Variants in NPTX1 observed in about 807,000 individuals in gnomAD.
NPTX1 encodes the protein neuronal pentraxin-1.
A neutral mutation model predicts 38.7 loss-of-function variants in NPTX1; 12 were observed. That is an observed-to-expected ratio of 0.31 (90% CI 0.20 to 0.50). NPTX1 has a LOEUF of 0.50. Among genes scored for constraint, NPTX1 ranks in the 20% least tolerant of loss-of-function variants. The probability of loss-of-function intolerance (pLI) is 0.98; values close to 1 mark genes in which losing one functional copy is unlikely to be tolerated. For missense variants in NPTX1, 454 were observed against 592.2 expected (o/e 0.77, Z 2.42); for synonymous variants, 272 against 264.9 (o/e 1.03, Z -0.26).
Position 80,475,212 on chromosome 17 carries a change from A to T in NPTX1, c.652+299T>A, listed in dbSNP as rs1277494518. Among the ~76,000 whole-genome samples the T allele has an allele frequency of 7.9e-5, 12 of 152,316 alleles. No individual in the cohort carries two copies. The South Asian group carries it at 2.3e-3, about 29-fold the overall frequency. On this transcript the variant is annotated intron_variant, in intron 2 of 4. Coordinates refer to ENST00000306773, the MANE Select transcript of NPTX1 (RefSeq NM_002522.4). This position sits in a 1 kb window ranked among gnomAD's most constrained non-coding sequence, Gnocchi z 6.5. ...GTGCAAAGTTACTGAGGATTAAACA[A>T]ATCAGACTTGAAAAATCCAGCGAGT...
intron 3 of NPTX1, among the ~76,000 whole-genome samples, chr17:80,472,483 G>A (rs2083847879): frequency 6.6e-6 from 1 of 152,166 alleles, no homozygotes; most frequent in African/African-American, 2.4e-5. Flanking sequence ...GGAGGATGAC[G>A]GTCCAGCAGA....
rs780007915 is a variant in NPTX1 at position 80,473,186 on chromosome 17, G to A, written c.897+14C>T. ...CCTCGCCCTGCCGCCCTGTGAGCCC[G>A]GGGGCTGCTCTACCTTGTCATTGAT... On this transcript the variant is annotated intron_variant, in intron 3 of 4. Coordinates refer to ENST00000306773, the MANE Select transcript of NPTX1 (RefSeq NM_002522.4). 1.2e-5 allele frequency: 20 copies of A among 1,608,662 alleles called. No homozygotes were observed. The highest frequency in any genetic ancestry group is 7.7e-5 in the South Asian group (7 of 90,938).
chr17:80,472,876 C>T (rs2083849845), intron 3 of NPTX1, among the ~76,000 whole-genome samples: 1 of 152,210 alleles, frequency 6.6e-6, no homozygotes, highest in Admixed American at 6.5e-5. Context: ...GGGGCAAAGC[C>T]AGTTCCAAGG....
In NPTX1 at chr17:80,473,302, T is replaced by G. The variant is rs1351276783; in HGVS notation, c.795A>C (p.Pro265=). ...CGTAGGAGAAGGGCGTGCCCACACC[T>G]GGCGTGGCGCTGGACTTGAGCCACA... ...VCMWLKSSAT[P]GVGTPFSYAV... The change falls in exon 3 of 5, where the codon CCA becomes CCC. Residue 265 remains proline (P), a synonymous_variant. Coordinates refer to ENST00000306773, the MANE Select transcript of NPTX1 (RefSeq NM_002522.4). 5.6e-6 allele frequency: 9 copies of G among 1,613,894 alleles called. No homozygotes were observed. The highest frequency in any genetic ancestry group is 7.6e-6 in the Non-Finnish European group (9 of 1,180,026).
rs1191940018 is a variant in NPTX1, at chr17:80,476,322, C to T, written c.125G>A (p.Cys42Tyr). Residue 42 changes from cysteine (C) to tyrosine (Y), a missense_variant, in exon 1 of 5, where the codon TGC becomes TAC. Cys to Tyr is a radical substitution (Grantham distance 194, BLOSUM62 -2). Coordinates refer to ENST00000306773, the MANE Select transcript of NPTX1 (RefSeq NM_002522.4). This position sits in a 1 kb window ranked among gnomAD's most constrained non-coding sequence, Gnocchi z 6.3. ...CTSVPVDADM[C>Y]AASVAAGGAE... ...GCCGCCGGCGGCCACGGACGCGGCG[C>T]ACATGTCGGCGTCCACGGGCACCGA... 1.3e-6 allele frequency: 2 copies of T among 1,546,452 alleles called. No individual in the cohort carries two copies. The highest frequency in any genetic ancestry group is 2.4e-5 in the South Asian group (2 of 84,894).
At position 80,475,454 on chromosome 17, in the gene NPTX1, G is replaced by GGCGGGATCGGGACCGAT; in HGVS notation, c.652+56_652+57insATCGGTCCCGATCCCGC. 6.9e-7 allele frequency: 1 copy of GGCGGGATCGGGACCGAT among 1,456,384 alleles called. No homozygotes were observed. The highest frequency in any genetic ancestry group is 9.4e-7 in the Non-Finnish European group (1 of 1,059,498). The allele number at this position is 1,456,384 out of a possible 1,614,324, so 90.2% of individuals were successfully genotyped here. On this transcript the variant is annotated intron_variant, in intron 2 of 4. Coordinates refer to ENST00000306773, the MANE Select transcript of NPTX1 (RefSeq NM_002522.4). This position sits in a 1 kb window ranked among gnomAD's most constrained non-coding sequence, Gnocchi z 6.5. ...CTGGGCTGTTAGGGATCGGGACCGAGGCAGGGTCGGGCAAGCAGGTGCAGG... is the reference window on the plus strand; with the variant it reads ...CTGGGCTGTTAGGGATCGGGACCGAGGCGGGATCGGGACCGATGCAGGGTCGGGCAAGCAGGTGCAGG...
Position 80,470,990 on chromosome 17 carries a change from A to G in NPTX1, c.1122T>C (p.Gly374=), listed in dbSNP as rs2083838909. The G allele has an allele frequency of 6.2e-7, 1 of 1,612,418 alleles. No homozygotes were observed. Among genetic ancestry groups the G allele is most frequent in the Admixed American group, 1.7e-5 (1 of 59,916 alleles). ...GGFDATQAFV[G]ELAHFNIWDR... is the part of the protein sequence containing the mutation. ...CCCAGATGTTGAAGTGGGCCAGCTC[A>G]CCCACAAATGCCTGGGTGGCATCAA... Residue 374 remains glycine, a synonymous_variant, in exon 5 of 5, where the codon GGT becomes GGC. Coordinates refer to ENST00000306773, the MANE Select transcript of NPTX1 (RefSeq NM_002522.4).
rs1361732115 is a variant in NPTX1, at chr17:80,468,981, GATCTGC to G, written c.*1826_*1831del. The stretch of plus-strand genomic sequence containing the variant: ...AACAACAACGCGCAGCACGGCGCCT[GATCTGC>G]ACCCCCCTCTGCGGGAGTGATGCAT... On this transcript the variant is annotated 3_prime_UTR_variant, in exon 5 of 5. Coordinates refer to ENST00000306773, the MANE Select transcript of NPTX1 (RefSeq NM_002522.4). 2 of 152,272 alleles carry G rather than the reference GATCTGC, an allele frequency of 1.3e-5. No individual in the cohort carries two copies. Among genetic ancestry groups the G allele is most frequent in the African/African-American group, 4.8e-5 (2 of 41,464 alleles). 9.4% of individuals were successfully genotyped at this position (152,272 alleles called of 1,614,324 possible).
Position 80,475,980 on chromosome 17 carries a change from C to G in NPTX1, c.444+23G>C. 1 of 1,590,688 alleles carries G rather than the reference C, an allele frequency of 6.3e-7. No homozygotes were observed. Among genetic ancestry groups the G allele is most frequent in the South Asian group, 1.1e-5 (1 of 90,274 alleles). ...GGGGCGAGCGAGCCGGAGGGGGAAC[C>G]GGAGCCGAGGGCGCGCGCGGACCTC... On this transcript the variant is annotated intron_variant, in intron 1 of 4. Coordinates refer to ENST00000306773, the MANE Select transcript of NPTX1 (RefSeq NM_002522.4). This position sits in a 1 kb window ranked among gnomAD's most constrained non-coding sequence, Gnocchi z 6.5.
rs1028409844 is a variant in NPTX1 at position 80,476,564 on chromosome 17, C to T, written c.-118G>A. On this transcript the variant is annotated 5_prime_UTR_variant, in exon 1 of 5. Transcript: ENST00000306773. The surrounding 1 kb of genome is among the most constrained non-coding windows in gnomAD (Gnocchi z 6.3). ...CCCGCGCTCTGGGCGCCGCGCTCTT[C>T]GGCCGCGCGGTCCACACCGCCGCGC... is the stretch of plus-strand genomic sequence containing the variant. The T allele has an allele frequency of 3.4e-5, 14 of 412,484 alleles. No homozygotes were observed. Among genetic ancestry groups the T allele is most frequent in the Non-Finnish European group, 4.3e-5 (13 of 304,786 alleles). 25.6% of individuals were successfully genotyped at this position (412,484 alleles called of 1,614,324 possible).
At chr17:80,472,083 C>T (rs1352112170) in intron 3 of NPTX1, among the ~76,000 whole-genome samples, 172 bp from the exon 4 acceptor site, 2 of 152,250 alleles carry the variant, frequency 1.3e-5, no homozygotes, top group Non-Finnish European at 2.9e-5. Context: ...TCAGCCCCGC[C>T]TGGGCGTGGG....
intron 3 of NPTX1, among the ~76,000 whole-genome samples, chr17:80,472,937 T>C (rs940852211): frequency 6.6e-6 from 1 of 152,176 alleles, no homozygotes; most frequent in African/African-American, 2.4e-5. Flanking sequence ...CCAGGCCCCA[T>C]GGCTCGTTCT....
Position 80,470,645 on chromosome 17 carries a change from G to C in NPTX1, c.*168C>G. The C allele has an allele frequency of 1.8e-6, 1 of 570,640 alleles. No individual in the cohort carries two copies. The allele number at this position is 570,640 out of a possible 1,614,324, so 35.3% of individuals were successfully genotyped here. On this transcript the variant is annotated 3_prime_UTR_variant, in exon 5 of 5. Transcript: ENST00000306773. ...TTCCTCAGGGACAGATGGGAGCAGGGGCTGCTTCGTGTGCATGAGGACAAA... is the reference window on the plus strand; with the variant it reads ...TTCCTCAGGGACAGATGGGAGCAGGCGCTGCTTCGTGTGCATGAGGACAAA...
chr17:80,475,171 G>A lies in NPTX1; in HGVS notation c.652+340C>T, dbSNP rs1242121529. ...GCTTTCTTAAGCAGGGAGGGTTTGA[G>A]CCAGCGACAGCCACTGTGCAAAGTT... On this transcript the variant is annotated intron_variant, in intron 2 of 4. Coordinates refer to ENST00000306773, the MANE Select transcript of NPTX1 (RefSeq NM_002522.4). The surrounding 1 kb of genome is among the most constrained non-coding windows in gnomAD (Gnocchi z 6.5). Among the ~76,000 whole-genome samples the A allele has an allele frequency of 6.6e-6, 1 of 152,182 alleles. No individual in the cohort carries two copies. The highest frequency in any genetic ancestry group is 1.5e-5 in the Non-Finnish European group (1 of 68,036).
chr17:80,475,612 A>G lies in NPTX1; in HGVS notation c.551T>C (p.Leu184Pro), dbSNP rs202053640. The G allele has an allele frequency of 1.1e-5, 18 of 1,612,138 alleles. No homozygotes were observed. In the Admixed American group the frequency reaches 2.8e-4, roughly 25 times the overall value. The change falls in exon 2 of 5, where the codon CTG becomes CCG. Residue 184 changes from leucine (L) to proline (P), a missense_variant. By Grantham distance (98) the Leu-to-Pro change is moderately conservative (BLOSUM62 -3). Coordinates refer to ENST00000306773, the MANE Select transcript of NPTX1 (RefSeq NM_002522.4). The surrounding 1 kb of genome is among the most constrained non-coding windows in gnomAD (Gnocchi z 6.5). ...ERQVLSRVNTLEEGKGGPRND... is the reference protein window; with the variant it reads ...ERQVLSRVNTPEEGKGGPRND... ...CCTGGGGCCCCCCTTGCCCTCCTCC[A>G]GGGTGTTCACCCGGGACAGCACCTG...
In NPTX1 at chr17:80,475,992, C is replaced by A; in HGVS notation, c.444+11G>T. 4 of 1,599,164 alleles carry A rather than the reference C, an allele frequency of 2.5e-6. No individual in the cohort carries two copies. The highest frequency in any genetic ancestry group is 3.4e-6 in the Non-Finnish European group (4 of 1,172,872). On this transcript the variant is annotated intron_variant, in intron 1 of 4. Coordinates refer to ENST00000306773, the MANE Select transcript of NPTX1 (RefSeq NM_002522.4). This position sits in a 1 kb window ranked among gnomAD's most constrained non-coding sequence, Gnocchi z 6.5. Reference sequence around the variant, plus strand: ...CCGGAGGGGGAACCGGAGCCGAGGGCGCGCGCGGACCTCGAGGTTCTCCAG... The same window carrying A: ...CCGGAGGGGGAACCGGAGCCGAGGGAGCGCGCGGACCTCGAGGTTCTCCAG...
chr17:80,472,238 C>T (rs1433864189), intron 3 of NPTX1, among the ~76,000 whole-genome samples: 1 of 152,212 alleles, frequency 6.6e-6, no homozygotes, highest in Non-Finnish European at 1.5e-5. Flanking sequence ...GGAGAGCCGT[C>T]CCTGGTGTCT....
Position 80,470,484 on chromosome 17 carries a change from C to T in NPTX1, c.*329G>A, listed in dbSNP as rs562547604. ...CCTCCCCCAGCCACGCACGCACACA[C>T]GTAGACACACACATGTAGACACGCA... On this transcript the variant is annotated 3_prime_UTR_variant, in exon 5 of 5. Transcript: ENST00000306773. 1.7e-4 allele frequency: 34 copies of T among 205,390 alleles called. 1 individual carries two copies. Among genetic ancestry groups the T allele is most frequent in the South Asian group, 3.0e-4 (2 of 6,664 alleles). 12.7% of individuals were successfully genotyped at this position (205,390 alleles called of 1,614,324 possible).
intron 2 of NPTX1, among the ~76,000 whole-genome samples, chr17:80,474,982 G>T (rs2083870098): frequency 6.6e-6 from 1 of 152,188 alleles, no homozygotes; most frequent in Admixed American, 6.5e-5. Context: ...CAGGGTAGGG[G>T]TTCAGGACAG....
Sources: gnomAD v4.1 joint callset for allele counts (sites outside exome capture counted in the v4.1 genomes callset) on GRCh38, gnomAD v4.1.1 for gene constraint, Gnocchi (gnomAD v3.1) non-coding constraint, MANE v1.5 for transcripts, NCBI Gene and HGNC (gene_info 2026-07-23, HGNC 2026-07-21) for gene names.